The following PLCXD3 variants were observed in gnomAD, a reference collection of about 807,000 sequenced individuals.
PLCXD3 encodes PI-PLC X domain-containing protein 3.
Under a neutral mutation model 25.5 loss-of-function variants are expected in PLCXD3, and 19 were observed. The ratio of observed to expected loss-of-function variants is 0.75; its 90% CI spans 0.52 to 1.09. The LOEUF is 1.09. Ranked by LOEUF, PLCXD3 falls within the 50% of genes least tolerant of loss-of-function variation. PLCXD3 has a pLI of 0.00. For missense variants in PLCXD3, 411 were observed against 388.1 expected, an observed-to-expected ratio of 1.06 and a Z score of -0.50; for synonymous variants, 174 against 137.6, an observed-to-expected ratio of 1.26 and a Z score of -1.85.
intron 2 of PLCXD3, among the ~76,000 whole-genome samples, chr5:41,362,531 T>A (rs1388505400): frequency 1.3e-5 from 2 of 152,344 alleles, no homozygotes; most frequent in African/African-American, 4.8e-5. Context: ...GCAAAAAATA[T>A]TAGTTCTAAT....
At chr5:41,380,428 C>A (rs1745421086) in intron 2 of PLCXD3, among the ~76,000 whole-genome samples, 1 of 152,050 alleles carries the variant, frequency 6.6e-6, no homozygotes, top group Admixed American at 6.6e-5. Context: ...CTCTCCATTC[C>A]ATCAATCCTC....
intron 2 of PLCXD3, among the ~76,000 whole-genome samples, chr5:41,365,599 A>G (rs764148324): frequency 4.6e-5 from 7 of 152,190 alleles, no homozygotes; most frequent in African/African-American, 9.6e-5. Flanking sequence ...GGCCAACTCA[A>G]TAAATGGATG....
chr5:41,382,995 A>C (rs1745519688), intron 1 of PLCXD3, among the ~76,000 whole-genome samples: 1 of 152,114 alleles, frequency 6.6e-6, no homozygotes, highest in African/African-American at 2.4e-5. Flanking sequence ...TTTCACAGGC[A>C]ATCAGCATAT....
chr5:41,434,924 G>A (rs926344612), intron 1 of PLCXD3, among the ~76,000 whole-genome samples: 2 of 152,094 alleles, frequency 1.3e-5, no homozygotes, highest in Non-Finnish European at 2.9e-5. Context: ...AGAAAGGAAA[G>A]GGATATAATT....
chr5:41,492,170 A>G (rs1387450063), intron 1 of PLCXD3, among the ~76,000 whole-genome samples: 2 of 152,076 alleles, frequency 1.3e-5, no homozygotes, highest in Non-Finnish European at 2.9e-5. Context: ...TCTGTAAAGT[A>G]TTTTATTTCT....
intron 1 of PLCXD3, among the ~76,000 whole-genome samples, chr5:41,416,005 G>A (rs1277233525): frequency 2.0e-5 from 3 of 152,106 alleles, no homozygotes; most frequent in Admixed American, 1.3e-4. Flanking sequence ...TGGAAGGAGA[G>A]GGCTATAATG....
chr5:41,444,827 C>T (rs1419012535), intron 1 of PLCXD3, among the ~76,000 whole-genome samples: 2 of 151,994 alleles, frequency 1.3e-5, no homozygotes, highest in Non-Finnish European at 2.9e-5. Context: ...GTAGGCCTTT[C>T]GATTATGGTA....
chr5:41,309,025 A>G lies in PLCXD3; in HGVS notation c.*4592T>C, dbSNP rs914797954. The G allele has an allele frequency of 6.6e-6, 1 of 152,574 alleles. No homozygotes were observed. Among genetic ancestry groups the G allele is most frequent in the Non-Finnish European group, 1.5e-5 (1 of 68,008 alleles). 9.5% of individuals were successfully genotyped at this position (152,574 alleles called of 1,614,324 possible). A position where few individuals can be genotyped will look rare whatever the true frequency, so the allele number is the denominator to read the frequency against. On this transcript the variant is annotated 3_prime_UTR_variant, in exon 3 of 3. Transcript: ENST00000377801. ...TTTCAATTTTAAATCCAAATTGCAA[A>G]AACAACAAAAAAGTGTTAATAAATT...
At chr5:41,454,870 G>T (rs1205046579) in intron 1 of PLCXD3, among the ~76,000 whole-genome samples, 1 of 151,946 alleles carries the variant, frequency 6.6e-6, no homozygotes. Flanking sequence ...AAGAAAAGAA[G>T]TTTAATTGAC....
At chr5:41,420,200 A>G (rs1203606121) in intron 1 of PLCXD3, among the ~76,000 whole-genome samples, 2 of 152,212 alleles carry the variant, frequency 1.3e-5, no homozygotes, top group African/African-American at 4.8e-5. Flanking sequence ...CCACCCACAG[A>G]ACAAGAAAGA....
At chr5:41,405,821 T>A (rs1746335315) in intron 1 of PLCXD3, among the ~76,000 whole-genome samples, 1 of 152,122 alleles carries the variant, frequency 6.6e-6, no homozygotes, top group South Asian at 2.1e-4. Context: ...AATTCTCAGA[T>A]TAGTCTACTT....
chr5:41,451,019 T>C (rs1747617709), intron 1 of PLCXD3, among the ~76,000 whole-genome samples: 1 of 152,110 alleles, frequency 6.6e-6, no homozygotes, highest in Non-Finnish European at 1.5e-5. Context: ...TGTATCTTCA[T>C]CTCTGGTTTG....
At chr5:41,406,156 T>C (rs756483470) in intron 1 of PLCXD3, among the ~76,000 whole-genome samples, 1 of 152,162 alleles carries the variant, frequency 6.6e-6, no homozygotes, top group Non-Finnish European at 1.5e-5. Context: ...TCTGTGATTG[T>C]CCTTTACTGC....
At chr5:41,483,486 T>C (rs1403268820) in intron 1 of PLCXD3, among the ~76,000 whole-genome samples, 1 of 152,166 alleles carries the variant, frequency 6.6e-6, no homozygotes, top group African/African-American at 2.4e-5. Context: ...TAAGATAAAA[T>C]ATATGCTATA....
At chr5:41,435,865 C>A (rs1221637396) in intron 1 of PLCXD3, among the ~76,000 whole-genome samples, 1 of 152,218 alleles carries the variant, frequency 6.6e-6, no homozygotes, top group Non-Finnish European at 1.5e-5. Flanking sequence ...ACAGGGCCCA[C>A]CATTCAGCAT....
intron 1 of PLCXD3, among the ~76,000 whole-genome samples, chr5:41,499,208 A>G (rs991626629): frequency 7.3e-5 from 11 of 151,624 alleles, no homozygotes; most frequent in African/African-American, 2.7e-4. Context: ...AAAAGGAAGT[A>G]GCAAAATTAT....
chr5:41,403,956 T>C (rs186401498), intron 1 of PLCXD3, among the ~76,000 whole-genome samples: 92 of 152,266 alleles, frequency 6.0e-4, no homozygotes, highest in Middle Eastern at 3.4e-3. Context: ...CTTGATAATT[T>C]AACTTTTCTT....
chr5:41,403,410 T>TG (rs1345288584), intron 1 of PLCXD3, among the ~76,000 whole-genome samples: 4 of 41,948 alleles, frequency 9.5e-5, no homozygotes, highest in Admixed American at 4.5e-4. Flanking sequence ...TGTTTTTTTT[T>TG]TTTTTTATTA....
At position 41,333,154 on chromosome 5, in the gene PLCXD3, C is replaced by T. The variant is rs762855690; in HGVS notation, c.813-19384G>A. Among the ~76,000 whole-genome samples the T allele has an allele frequency of 4.7e-4, 71 of 150,392 alleles. 1 individual carries two copies. The highest frequency in any genetic ancestry group is 2.1e-3 in the South Asian group (10 of 4,790). On this transcript the variant is annotated intron_variant, in intron 2 of 2. Coordinates refer to ENST00000377801, the MANE Select transcript of PLCXD3 (RefSeq NM_001005473.3). ...AAACAAACAAACAAACAAACAAAAACGTCAATGGCTTGTGACTGCCCGTCC... is the reference window on the plus strand; with the variant it reads ...AAACAAACAAACAAACAAACAAAAATGTCAATGGCTTGTGACTGCCCGTCC...
Sources: allele counts gnomAD v4.1 joint callset (sites outside exome capture counted in the v4.1 genomes callset), GRCh38; gene constraint gnomAD v4.1.1; transcripts MANE v1.5; gene names NCBI Gene and HGNC (gene_info 2026-07-23, HGNC 2026-07-21).